The following ROBO2 variants were observed in gnomAD, a reference collection of about 807,000 sequenced individuals.
ROBO2 encodes the protein roundabout homolog 2.
In ROBO2, 53 loss-of-function variants were observed where a neutral mutation model predicts 160.8. The observed-to-expected ratio is 0.33, with a 90% CI of 0.26 to 0.41. The LOEUF is 0.41. Among genes scored for constraint, ROBO2 ranks in the 10% least tolerant of loss-of-function variants. The pLI is 1.00. For synonymous variants in ROBO2, 664 were observed against 611.7 expected (o/e 1.09, Z -1.26); for missense variants, 1,577 against 1,722.4 (o/e 0.92, Z 1.49).
intron 2 of ROBO2, among the ~76,000 whole-genome samples, chr3:77,174,121 C>A (rs2079904003): frequency 6.6e-6 from 1 of 152,000 alleles, no homozygotes; most frequent in South Asian, 2.1e-4. Context: ...AATTCTATCC[C>A]CCAGTTAGGT....
chr3:76,876,936 T>C (rs573149806), intron 2 of ROBO2, among the ~76,000 whole-genome samples: 2 of 152,288 alleles, frequency 1.3e-5, no homozygotes, highest in East Asian at 1.9e-4. Context: ...TATTCTAGAA[T>C]GATGATGAAT....
chr3:77,395,676 G>A lies in ROBO2; in HGVS notation c.389-81738G>A, dbSNP rs916437775. On this transcript the variant is annotated intron_variant, in intron 2 of 25. Coordinates refer to ENST00000461745, the Ensembl canonical transcript of ROBO2. Reference sequence around the variant, plus strand: ...TTCTGTAGTAGATCTAAATGTAATCGTGTATGATACAATTCTTCTTTTATG... The same window carrying A: ...TTCTGTAGTAGATCTAAATGTAATCATGTATGATACAATTCTTCTTTTATG... Among the ~76,000 whole-genome samples the A allele has an allele frequency of 7.2e-5, 11 of 151,966 alleles. 1 individual carries two copies. The highest frequency in any genetic ancestry group is 7.4e-5 in the Non-Finnish European group (5 of 67,980).
chr3:77,161,510 T>C (rs1268216475), intron 2 of ROBO2, among the ~76,000 whole-genome samples: 1 of 152,222 alleles, frequency 6.6e-6, no homozygotes, highest in African/African-American at 2.4e-5. Context: ...TTTTCAGTAG[T>C]GTGTCACTTT....
intron 2 of ROBO2, among the ~76,000 whole-genome samples, chr3:76,747,924 T>C (rs1416173384): frequency 1.3e-5 from 2 of 152,048 alleles, no homozygotes; most frequent in Non-Finnish European, 2.9e-5. Flanking sequence ...TAAATTTCAT[T>C]TAATATTCGA....
intron 2 of ROBO2, among the ~76,000 whole-genome samples, chr3:76,931,126 T>TG (rs2077311401): frequency 6.6e-6 from 1 of 152,196 alleles, no homozygotes; most frequent in Non-Finnish European, 1.5e-5. Context: ...GAAAGCTTTC[T>TG]GTTACTATGT....
chr3:77,210,605 T>C (rs1394958618), intron 2 of ROBO2, among the ~76,000 whole-genome samples: 2 of 152,212 alleles, frequency 1.3e-5, no homozygotes, highest in African/African-American at 4.8e-5. Flanking sequence ...TTTTTTATTA[T>C]ACTTTAAGTT....
At chr3:76,717,724 A>G (rs1378308280) in intron 2 of ROBO2, among the ~76,000 whole-genome samples, 1 of 152,152 alleles carries the variant, frequency 6.6e-6, no homozygotes, top group Non-Finnish European at 1.5e-5. Flanking sequence ...GCAGGTCTTA[A>G]AAAAGAATCT....
At chr3:76,967,945 C>T (rs922868326) in intron 2 of ROBO2, among the ~76,000 whole-genome samples, 2 of 152,106 alleles carry the variant, frequency 1.3e-5, no homozygotes, top group African/African-American at 2.4e-5. Context: ...TCTCAAAAGT[C>T]TTACATTGTT....
At chr3:77,426,209 T>G (rs1397404156) in intron 2 of ROBO2, among the ~76,000 whole-genome samples, 1 of 152,114 alleles carries the variant, frequency 6.6e-6, no homozygotes, top group East Asian at 1.9e-4. Flanking sequence ...TAGAAATACT[T>G]GGGACATTGA....
chr3:76,290,555 A>G (rs1161679825), intron 2 of ROBO2, among the ~76,000 whole-genome samples: 2 of 152,072 alleles, frequency 1.3e-5, no homozygotes, highest in African/African-American at 4.8e-5. Context: ...TTCTAGGACT[A>G]AGTGGAATAG....
intron 2 of ROBO2, among the ~76,000 whole-genome samples, chr3:76,302,170 T>G (rs1684518618): frequency 6.6e-6 from 1 of 152,044 alleles, no homozygotes; most frequent in Non-Finnish European, 1.5e-5. Context: ...CTACAGCTAT[T>G]TGTACAGCAA....
chr3:76,248,690 T>A (rs1016610443), intron 2 of ROBO2, among the ~76,000 whole-genome samples: 20 of 152,162 alleles, frequency 1.3e-4, no homozygotes, highest in African/African-American at 4.3e-4. Context: ...CTTCCAGACT[T>A]TCATAATCTA....
chr3:77,156,139 G>A (rs891410299), intron 2 of ROBO2, among the ~76,000 whole-genome samples: 6 of 151,842 alleles, frequency 4.0e-5, no homozygotes, highest in East Asian at 1.9e-4. Flanking sequence ...CATCCAAACC[G>A]AACTTATAAC....
intron 2 of ROBO2, among the ~76,000 whole-genome samples, chr3:76,205,328 G>T (rs1702748593): frequency 6.6e-6 from 1 of 152,058 alleles, no homozygotes. Context: ...AGAGAATAAG[G>T]CCAAGATGGA....
chr3:76,271,159 A>C (rs1167304290), intron 2 of ROBO2, among the ~76,000 whole-genome samples: 1 of 152,084 alleles, frequency 6.6e-6, no homozygotes, highest in Admixed American at 6.5e-5. Flanking sequence ...TTAACCAATC[A>C]TTTGAATACA....
intron 2 of ROBO2, among the ~76,000 whole-genome samples, chr3:77,416,854 GA>G (rs1560775569): frequency 6.6e-6 from 1 of 151,854 alleles, no homozygotes; most frequent in East Asian, 1.9e-4. Flanking sequence ...GAAAATAAGA[GA>G]AAAAATAACT....
intron 2 of ROBO2, among the ~76,000 whole-genome samples, chr3:76,800,314 A>G (rs11715454): frequency 0.33 from 50,033 of 152,200 alleles, 9,636 homozygotes; most frequent in Non-Finnish European, 0.43. Flanking sequence ...GCCTAGGCAA[A>G]GATTTCTTGA....
Position 76,640,660 on chromosome 3 carries a change from A to G in ROBO2, c.110-457354A>G, listed in dbSNP as rs191590120. Among the ~76,000 whole-genome samples the G allele has an allele frequency of 2.7e-3, 416 of 151,958 alleles. 1 individual carries two copies. Among genetic ancestry groups the G allele is most frequent in the African/African-American group, 9.5e-3 (395 of 41,424 alleles). On this transcript the variant is annotated intron_variant, in intron 2 of 26. Coordinates refer to the ROBO2 transcript ENST00000487694. The stretch of plus-strand genomic sequence containing the variant: ...GGGATGTGTTGGCTGAGAGAACACA[A>G]AAGCAACTCAACCCAGTAGCAGTGA...
At chr3:76,484,827 T>C (rs1302716971) in intron 2 of ROBO2, among the ~76,000 whole-genome samples, 1 of 152,108 alleles carries the variant, frequency 6.6e-6, no homozygotes, top group Non-Finnish European at 1.5e-5. Context: ...TAAAAAAGAA[T>C]AAAAGGAGAA....
Sources: allele counts gnomAD v4.1 joint callset (sites outside exome capture counted in the v4.1 genomes callset), GRCh38; gene constraint gnomAD v4.1.1; transcripts MANE v1.5; gene names NCBI Gene and HGNC (gene_info 2026-07-23, HGNC 2026-07-21).